RFX2: variants seen among roughly 807,000 people sequenced by gnomAD.
RFX2 encodes the protein DNA-binding protein RFX2.
Under a neutral mutation model 87.8 loss-of-function variants are expected in RFX2, and 20 were observed. The observed-to-expected ratio is 0.23, with a 90% CI of 0.16 to 0.33. The LOEUF (loss-of-function observed/expected upper bound fraction) is 0.33. RFX2 is among the 10% of genes least tolerant of loss of function. RFX2 has a pLI of 1.00. For missense variants in RFX2, 767 were observed against 1,012.3 expected, an observed-to-expected ratio of 0.76 and a Z score of 3.29; for synonymous variants, 397 against 431.3, an observed-to-expected ratio of 0.92 and a Z score of 0.98.
intron 1 of RFX2, chr19:6,049,091 A>T (rs2087236335): frequency 1.3e-5 from 2 of 152,166 alleles, no homozygotes; most frequent in Non-Finnish European, 2.9e-5. Context: ...CCCATAGTGT[A>T]TTTCCTGAGT....
rs951873384 is a variant in RFX2 at position 6,023,407 on chromosome 19, G to A, written c.597+2756C>T. 4.6e-5 allele frequency among the ~76,000 whole-genome samples: 7 copies of A among 152,342 alleles called. No homozygotes were observed. The highest frequency in any genetic ancestry group is 4.1e-4 in the South Asian group (2 of 4,826). On this transcript the variant is annotated intron_variant, in intron 6 of 17. Transcript: ENST00000303657. The surrounding 1 kb of genome is among the most constrained non-coding windows in gnomAD (Gnocchi z 4.9). ...CTGGGGACAATCGTTGCAAGGGCAC[G>A]TCACCCCGTCCATCAGCAGATCACG...
intron 1 of RFX2, among the ~76,000 whole-genome samples, chr19:6,068,978 C>T (rs905162744): frequency 2.0e-5 from 3 of 152,150 alleles, no homozygotes; most frequent in Non-Finnish European, 1.5e-5. Flanking sequence ...TCTGGATAAA[C>T]ATAGGAGGTA....
At chr19:6,071,344 T>A (rs2144834276) in intron 1 of RFX2, among the ~76,000 whole-genome samples, 1 of 152,040 alleles carries the variant, frequency 6.6e-6, no homozygotes, top group Middle Eastern at 3.4e-3. Context: ...CGGGAGGAGG[T>A]CTCGCCTGTC....
chr19:6,067,438 G>A (rs751704454), intron 1 of RFX2, among the ~76,000 whole-genome samples: 7 of 152,146 alleles, frequency 4.6e-5, no homozygotes, highest in Non-Finnish European at 8.8e-5. Flanking sequence ...CTCCCTACCC[G>A]GAGAGAGGAA....
Position 6,024,957 on chromosome 19 carries a change from G to A in RFX2, c.597+1206C>T, listed in dbSNP as rs1393098999. Among the ~76,000 whole-genome samples, 1 of 151,868 alleles carries A rather than the reference G, an allele frequency of 6.6e-6. No individual in the cohort carries two copies. Among genetic ancestry groups the A allele is most frequent in the Non-Finnish European group, 1.5e-5 (1 of 67,946 alleles). On this transcript the variant is annotated intron_variant, in intron 6 of 17. Coordinates refer to ENST00000303657, the MANE Select transcript of RFX2 (RefSeq NM_000635.4). This position sits in a 1 kb window ranked among gnomAD's most constrained non-coding sequence, Gnocchi z 5.0. ...GTCAGGACGGGATCACGGTGAGGACGGGAGTCAGGACGGGATCACGGTGAT... is the reference window on the plus strand; with the variant it reads ...GTCAGGACGGGATCACGGTGAGGACAGGAGTCAGGACGGGATCACGGTGAT...
At position 6,044,413 on chromosome 19, in the gene RFX2, G is replaced by A. The variant is rs2087157701; in HGVS notation, c.91-131C>T. 2 of 533,946 alleles carry A rather than the reference G, an allele frequency of 3.7e-6. No homozygotes were observed. Among genetic ancestry groups the A allele is most frequent in the Admixed American group, 4.3e-5 (1 of 23,080 alleles). The allele number at this position is 533,946 out of a possible 1,614,324, so 33.1% of individuals were successfully genotyped here. A position where few individuals can be genotyped will look rare whatever the true frequency, so the allele number is the denominator to read the frequency against. On this transcript the variant is annotated intron_variant, in intron 2 of 17. Coordinates refer to ENST00000303657, the MANE Select transcript of RFX2 (RefSeq NM_000635.4). This position sits in a 1 kb window ranked among gnomAD's most constrained non-coding sequence, Gnocchi z 5.3. ...AACATAGGCAGGACTGATCAGAGGCGACGGCGGGGTGATGGTCAGACTTGC... is the reference window on the plus strand; with the variant it reads ...AACATAGGCAGGACTGATCAGAGGCAACGGCGGGGTGATGGTCAGACTTGC...
intron 1 of RFX2, among the ~76,000 whole-genome samples, chr19:6,097,186 G>A (rs1447064158): frequency 6.6e-6 from 1 of 152,208 alleles, no homozygotes; most frequent in Non-Finnish European, 1.5e-5. Context: ...AGAGGAGACA[G>A]CTCCATCTAC....
rs1012150573 is a variant in RFX2, at chr19:5,994,689, A to T, written c.*146T>A. Reference sequence around the variant, plus strand: ...CTTCAACAACTGCTTTCCTTCTTGAACACTGACCCCGGGAGCCCCCGCTTG... The same window carrying T: ...CTTCAACAACTGCTTTCCTTCTTGATCACTGACCCCGGGAGCCCCCGCTTG... On this transcript the variant is annotated 3_prime_UTR_variant, in exon 18 of 18. Transcript: ENST00000303657. 25 of 616,316 alleles carry T rather than the reference A, an allele frequency of 4.1e-5. No homozygotes were observed. Among genetic ancestry groups the T allele is most frequent in the Non-Finnish European group, 4.6e-5 (16 of 347,748 alleles). The allele number at this position is 616,316 out of a possible 1,614,324, so 38.2% of individuals were successfully genotyped here.
rs1225556193 is a variant in RFX2, at chr19:6,064,145, G to A, written c.-8-16641C>T. On this transcript the variant is annotated intron_variant, in intron 1 of 17. Transcript: ENST00000303657. The surrounding 1 kb of genome is among the most constrained non-coding windows in gnomAD (Gnocchi z 4.8). The stretch of plus-strand genomic sequence containing the variant: ...CATTGCCTGCAAAGATGCTCAAGAC[G>A]TGTTTTGCAATGAACAAGAGAATGA... Among the ~76,000 whole-genome samples, 3 of 152,168 alleles carry A rather than the reference G, an allele frequency of 2.0e-5. No homozygotes were observed. The highest frequency in any genetic ancestry group is 6.5e-5 in the Admixed American group (1 of 15,276).
Position 6,004,885 on chromosome 19 carries a change from G to A in RFX2, c.1403-587C>T, listed in dbSNP as rs761052907. ...TGTAGTCCCAGCACTTTGGGAGGCCGAGGTGGGCGGATCACCTGAGGTCCG... is the reference window on the plus strand; with the variant it reads ...TGTAGTCCCAGCACTTTGGGAGGCCAAGGTGGGCGGATCACCTGAGGTCCG... On this transcript the variant is annotated intron_variant, in intron 12 of 17. Coordinates refer to ENST00000303657, the MANE Select transcript of RFX2 (RefSeq NM_000635.4). This position sits in a 1 kb window ranked among gnomAD's most constrained non-coding sequence, Gnocchi z 4.8. Among the ~76,000 whole-genome samples, 11 of 152,054 alleles carry A rather than the reference G, an allele frequency of 7.2e-5. No individual in the cohort carries two copies. Among genetic ancestry groups the A allele is most frequent in the South Asian group, 2.1e-4 (1 of 4,822 alleles).
chr19:6,036,310 C>A (rs1036075855), intron 5 of RFX2, among the ~76,000 whole-genome samples: 2 of 152,152 alleles, frequency 1.3e-5, no homozygotes. Context: ...CACTACCCTA[C>A]AATTTCACAG....
chr19:6,008,672 G>GGAATTT (rs1275371606), intron 9 of RFX2, among the ~76,000 whole-genome samples: 1 of 139,976 alleles, frequency 7.1e-6, no homozygotes, highest in African/African-American at 2.8e-5. Context: ...ACCATGCCCG[G>GGAATTT]CCATTTTTTT....
chr19:6,012,682 C>T lies in RFX2; in HGVS notation c.899+304G>A, dbSNP rs1377908296. Among the ~76,000 whole-genome samples, 1 of 152,048 alleles carries T rather than the reference C, an allele frequency of 6.6e-6. No homozygotes were observed. Among genetic ancestry groups the T allele is most frequent in the Non-Finnish European group, 1.5e-5 (1 of 67,998 alleles). On this transcript the variant is annotated intron_variant, in intron 8 of 17. Coordinates refer to ENST00000303657, the MANE Select transcript of RFX2 (RefSeq NM_000635.4). This position sits in a 1 kb window ranked among gnomAD's most constrained non-coding sequence, Gnocchi z 4.6. ...GGGGAGCGGGGCTGGGGGTGTAGAA[C>T]AACTCTCTGTACTTTCTACTCAATT...
rs1189568545 is a variant in RFX2 at position 6,084,639 on chromosome 19, C to CTTTTTTTTTT, written c.-9+25753_-9+25754insAAAAAAAAAA. On this transcript the variant is annotated intron_variant, in intron 1 of 17. Coordinates refer to ENST00000303657, the MANE Select transcript of RFX2 (RefSeq NM_000635.4). ...GATTTGTCCTTTTTTTTCTTTCTTT[C>CTTTTTTTTTT]TTTCTTTTTTTTGAGACAGAATCTC... Among the ~76,000 whole-genome samples the CTTTTTTTTTT allele has an allele frequency of 2.4e-5, 3 of 122,944 alleles. 1 individual carries two copies. Among genetic ancestry groups the CTTTTTTTTTT allele is most frequent in the African/African-American group, 1.4e-4 (3 of 21,310 alleles). The allele number at this position is 122,944 out of a possible 152,430, so 80.7% of individuals were successfully genotyped here.
At chr19:6,088,580 T>G (rs142053835) in intron 1 of RFX2, among the ~76,000 whole-genome samples, 1 of 152,236 alleles carries the variant, frequency 6.6e-6, no homozygotes, top group Non-Finnish European at 1.5e-5. Context: ...GCAAGATGGA[T>G]GTAGCCAAAG....
Position 6,110,436 on chromosome 19 carries a change from C to T in RFX2, c.-52G>A. 6.5e-6 allele frequency: 1 copy of T among 153,884 alleles called. No homozygotes were observed. Among genetic ancestry groups the T allele is most frequent in the Non-Finnish European group, 1.5e-5 (1 of 68,916 alleles). 9.5% of individuals were successfully genotyped at this position (153,884 alleles called of 1,614,324 possible). ...GTTCGGGCAGCGGCTCCCGCGGCGG[C>T]GGCAGCGGCTGCTGCGTGTTGGTCC... On this transcript the variant is annotated 5_prime_UTR_variant, in exon 1 of 18. Coordinates refer to ENST00000303657, the MANE Select transcript of RFX2 (RefSeq NM_000635.4). The surrounding 1 kb of genome is among the most constrained non-coding windows in gnomAD (Gnocchi z 4.3).
At chr19:6,049,716 C>T (rs192838999) in intron 1 of RFX2, among the ~76,000 whole-genome samples, 2 of 152,230 alleles carry the variant, frequency 1.3e-5, no homozygotes, top group African/African-American at 4.8e-5. Context: ...TTTATAGAAA[C>T]GGGGCTTCAC....
At chr19:6,066,189 G>A (rs1046202457) in intron 1 of RFX2, among the ~76,000 whole-genome samples, 2 of 152,130 alleles carry the variant, frequency 1.3e-5, no homozygotes, top group Non-Finnish European at 2.9e-5. Flanking sequence ...AGGGCACTTT[G>A]TTAGTGGGAA....
chr19:6,096,391 T>C (rs539866822), intron 1 of RFX2, among the ~76,000 whole-genome samples: 16 of 152,300 alleles, frequency 1.1e-4, no homozygotes, highest in Admixed American at 9.2e-4. Flanking sequence ...TTAAAGAATG[T>C]ATGCTCATAG....
Sources: gnomAD v4.1 joint callset for allele counts (sites outside exome capture counted in the v4.1 genomes callset) on GRCh38, gnomAD v4.1.1 for gene constraint, Gnocchi (gnomAD v3.1) non-coding constraint, MANE v1.5 for transcripts, NCBI Gene and HGNC (gene_info 2026-07-23, HGNC 2026-07-21) for gene names.